Variants in PARD3 observed in about 807,000 individuals in gnomAD.
PARD3 encodes partitioning defective 3 homolog.
PARD3 carries 75 observed loss-of-function variants against 155.4 expected under a neutral mutation model. The observed-to-expected ratio is 0.48, with a 90% CI of 0.40 to 0.58. The LOEUF (loss-of-function observed/expected upper bound fraction) is 0.58. PARD3 is among the 20% of genes least tolerant of loss of function. The pLI is 0.00. For missense variants in PARD3, 1,642 were observed against 1,721.7 expected (o/e 0.95, Z 0.82); for synonymous variants, 576 against 610.5 (o/e 0.94, Z 0.83).
chr10:34,606,637 T>C (rs2090465150), intron 2 of PARD3, among the ~76,000 whole-genome samples: 1 of 33,818 alleles, frequency 3.0e-5, no homozygotes, highest in Non-Finnish European at 5.1e-5. Flanking sequence ...CCCCGTGTCT[T>C]CAAAAAAAAA....
At chr10:34,411,456 C>T (rs1355920152) in intron 5 of PARD3, among the ~76,000 whole-genome samples, 2 of 151,334 alleles carry the variant, frequency 1.3e-5, no homozygotes, top group African/African-American at 4.9e-5. Context: ...ATCATCCAAT[C>T]ATTTGGAGAC....
intron 1 of PARD3, among the ~76,000 whole-genome samples, chr10:34,768,489 T>C (rs144443383): frequency 0.024 from 3,600 of 151,684 alleles, 146 homozygotes; most frequent in African/African-American, 0.084. Flanking sequence ...TGCATTCTTT[T>C]GAGTTTCTGA....
At chr10:34,516,874 TA>T in intron 3 of PARD3, 104 bp downstream of exon 3, 1 of 1,137,552 alleles carries the variant, frequency 8.8e-7, no homozygotes, top group Non-Finnish European at 1.3e-6. Context: ...AATTTTTGAA[TA>T]AAACAGATAA....
intron 15 of PARD3, chr10:34,343,974 A>C: frequency 1.0e-6 from 1 of 982,982 alleles, no homozygotes; most frequent in South Asian, 4.7e-5. Flanking sequence ...CTCACAATAA[A>C]AACATTAATG....
chr10:34,794,496 C>T (rs1238837105), intron 1 of PARD3, among the ~76,000 whole-genome samples: 2 of 152,208 alleles, frequency 1.3e-5, no homozygotes, highest in African/African-American at 4.8e-5. Flanking sequence ...CAGATCACTA[C>T]AAGAACTGCC....
At chr10:34,340,842 C>T (rs12412593) in intron 16 of PARD3, among the ~76,000 whole-genome samples, 1,693 of 152,208 alleles carry the variant, frequency 0.011, 58 homozygotes, top group East Asian at 0.1. Flanking sequence ...AACACCATAA[C>T]ATTTAAATAT....
At chr10:34,306,042 C>A (rs1186806357) in intron 20 of PARD3, among the ~76,000 whole-genome samples, 1 of 151,434 alleles carries the variant, frequency 6.6e-6, no homozygotes, top group Non-Finnish European at 1.5e-5. Context: ...GCCTGTAATC[C>A]CAGCACTTTG....
At chr10:34,309,704 T>G (rs1564570249) in intron 20 of PARD3, among the ~76,000 whole-genome samples, 1 of 151,438 alleles carries the variant, frequency 6.6e-6, no homozygotes, top group Non-Finnish European at 1.5e-5. Flanking sequence ...GGCCTTGGCT[T>G]ACAGCATGGG....
intron 22 of PARD3, among the ~76,000 whole-genome samples, chr10:34,235,557 T>C (rs1270728063): frequency 6.6e-6 from 1 of 152,238 alleles, no homozygotes; most frequent in East Asian, 1.9e-4. Flanking sequence ...CCAATTCATC[T>C]ATGTGTTTAT....
chr10:34,814,905 C>T lies in PARD3; in HGVS notation c.91G>A (p.Val31Met). The change falls in exon 1 of 25, where the codon GTG becomes ATG. Residue 31 changes from valine (V) to methionine (M), a missense_variant. Physicochemically the swap from Val to Met is conservative, Grantham distance 21. Around this residue, in one of 3 missense-constraint regions of PARD3, gnomAD observed 75 missense variants for 65.3 expected, o/e 1.15. Transcript: ENST00000374788. ...MKVFSLIQQAVTRYRKAIAKD... is the reference protein window; with the variant it reads ...MKVFSLIQQAMTRYRKAIAKD... Reference sequence around the variant, plus strand: ...GCGATGGCCTTCCGGTAGCGGGTCACCGCCTGCTGGATGAGGCTGAAAACT... The same window carrying T: ...GCGATGGCCTTCCGGTAGCGGGTCATCGCCTGCTGGATGAGGCTGAAAACT... 1 of 1,550,046 alleles carries T rather than the reference C, an allele frequency of 6.5e-7. No individual in the cohort carries two copies.
intron 2 of PARD3, among the ~76,000 whole-genome samples, chr10:34,687,154 A>G (rs1003225339): frequency 1.3e-5 from 2 of 152,202 alleles, no homozygotes; most frequent in African/African-American, 4.8e-5. Context: ...CTTGTATTTC[A>G]AAAGCAAAAA....
chr10:34,306,021 C>T (rs1344292673), intron 20 of PARD3, among the ~76,000 whole-genome samples: 4 of 151,800 alleles, frequency 2.6e-5, no homozygotes, highest in Admixed American at 2.6e-4. Context: ...AAGCTGGGCA[C>T]GGTAGCTCAC....
intron 2 of PARD3, among the ~76,000 whole-genome samples, chr10:34,538,137 C>T (rs977098642): frequency 3.3e-5 from 5 of 152,212 alleles, no homozygotes; most frequent in African/African-American, 1.2e-4. Flanking sequence ...AAGAGCGAGA[C>T]TCCGTCTCAA....
At chr10:34,745,523 C>A (rs543536892) in intron 1 of PARD3, among the ~76,000 whole-genome samples, 4 of 152,046 alleles carry the variant, frequency 2.6e-5, no homozygotes, top group Admixed American at 6.5e-5. Flanking sequence ...TCTGGGGTGT[C>A]GACTGTTGGA....
intron 22 of PARD3, among the ~76,000 whole-genome samples, chr10:34,198,488 A>C (rs201287008): frequency 2.4e-5 from 3 of 125,290 alleles, no homozygotes; most frequent in Admixed American, 1.6e-4. Context: ...GTGTGTGTGT[A>C]TGTGTGTGTG....
chr10:34,216,635 T>C (rs1055882857), intron 22 of PARD3, among the ~76,000 whole-genome samples: 9 of 152,232 alleles, frequency 5.9e-5, no homozygotes, highest in African/African-American at 2.2e-4. Context: ...AATTTTGCTG[T>C]TGGGTCCCTC....
intron 2 of PARD3, among the ~76,000 whole-genome samples, chr10:34,619,958 T>A (rs909715168): frequency 6.6e-6 from 1 of 152,156 alleles, no homozygotes; most frequent in African/African-American, 2.4e-5. Flanking sequence ...TTATGAAGGT[T>A]CATCCCTTCA....
intron 5 of PARD3, among the ~76,000 whole-genome samples, chr10:34,413,704 G>T (rs552124863): frequency 6.6e-6 from 1 of 152,162 alleles, no homozygotes; most frequent in African/African-American, 2.4e-5. Context: ...AATCATTTTG[G>T]CTCTGTTCTC....
chr10:34,547,792 T>G (rs2084214248), intron 2 of PARD3, among the ~76,000 whole-genome samples: 1 of 152,184 alleles, frequency 6.6e-6, no homozygotes, highest in Admixed American at 6.5e-5. Flanking sequence ...TTTCAGGCAA[T>G]GATGATGCTT....
Sources: allele counts gnomAD v4.1 joint callset (sites outside exome capture counted in the v4.1 genomes callset), GRCh38; gene constraint gnomAD v4.1.1; regional missense constraint gnomAD v4.1.1; transcripts MANE v1.5; gene names NCBI Gene and HGNC (gene_info 2026-07-23, HGNC 2026-07-21).